The following DNAH14 variants were observed in gnomAD, a reference collection of about 807,000 sequenced individuals.
The protein encoded by DNAH14 is dynein axonemal heavy chain 14.
DNAH14 carries 478 observed loss-of-function variants against 520.9 expected under a neutral mutation model. That is an observed-to-expected ratio of 0.92 (90% CI 0.85 to 0.99). The LOEUF is 0.99. Among genes scored for constraint, DNAH14 ranks in the 50% least tolerant of loss-of-function variants. DNAH14 has a pLI of 0.00. For missense variants in DNAH14, 4,831 were observed against 5,234.5 expected (o/e 0.92, Z 2.38); for synonymous variants, 1,581 against 1,757.2 (o/e 0.90, Z 2.51).
At chr1:225,031,521 G>T (rs1425077579) in intron 11 of DNAH14, among the ~76,000 whole-genome samples, 1 of 150,392 alleles carries the variant, frequency 6.6e-6, no homozygotes, top group East Asian at 2.1e-4. Context: ...GCTGACCCAT[G>T]CTCTAGAGTA....
At chr1:225,275,830 C>T (rs1305321939) in intron 52 of DNAH14, 84 bp from the exon 53 acceptor site, 4 of 210,788 alleles carry the variant, frequency 1.9e-5, no homozygotes, top group Non-Finnish European at 3.2e-5. Context: ...AGGAGCTTCT[C>T]CAACACAGAT....
At chr1:224,984,742 A>G (rs780643643) in intron 8 of DNAH14, among the ~76,000 whole-genome samples, 3 of 152,198 alleles carry the variant, frequency 2.0e-5, no homozygotes, top group Non-Finnish European at 4.4e-5. Flanking sequence ...ACTAATATCC[A>G]GAATCTACAA....
intron 43 of DNAH14, among the ~76,000 whole-genome samples, chr1:225,251,177 C>CA (rs570245844): frequency 1.4e-5 from 2 of 145,970 alleles, no homozygotes; most frequent in Admixed American, 1.4e-4. Flanking sequence ...AAACTATAAA[C>CA]TTTTTTTTTT....
At chr1:224,939,334 C>T (rs1025532596) in intron 1 of DNAH14, among the ~76,000 whole-genome samples, 4 of 151,868 alleles carry the variant, frequency 2.6e-5, no homozygotes, top group Non-Finnish European at 5.9e-5. Context: ...TCCTTTTCCC[C>T]TATACCCAGT....
At chr1:225,357,045 A>T (rs767412729) in intron 73 of DNAH14, among the ~76,000 whole-genome samples, 12 of 152,166 alleles carry the variant, frequency 7.9e-5, no homozygotes, top group Non-Finnish European at 1.5e-4. Context: ...TTGTCACATA[A>T]AAGATTAAGT....
At chr1:225,244,914 T>A (rs1191003995) in intron 43 of DNAH14, among the ~76,000 whole-genome samples, 1 of 152,188 alleles carries the variant, frequency 6.6e-6, no homozygotes, top group East Asian at 1.9e-4. Flanking sequence ...TTGCTCTTGC[T>A]TCTCTAGTTC....
intron 1 of DNAH14, among the ~76,000 whole-genome samples, chr1:224,942,663 TTTTGAGA>T (rs1390371871): frequency 6.6e-6 from 1 of 152,218 alleles, no homozygotes; most frequent in African/African-American, 2.4e-5. Context: ...GCTCTTATTA[TTTTGAGA>T]TATGTCCCAT....
intron 54 of DNAH14, among the ~76,000 whole-genome samples, chr1:225,282,995 C>T (rs1045472699): frequency 2.6e-5 from 4 of 151,642 alleles, no homozygotes; most frequent in Non-Finnish European, 5.9e-5. Flanking sequence ...CATCTTTTTA[C>T]CTTATGATAT....
rs960291133 is a variant in DNAH14 at position 224,929,688 on chromosome 1, G to A, written c.-181G>A. 23 of 702,330 alleles carry A rather than the reference G, an allele frequency of 3.3e-5. No homozygotes were observed. The Middle Eastern group carries it at 6.8e-4, about 21-fold the overall frequency. The allele number at this position is 702,330 out of a possible 1,614,324, so 43.5% of individuals were successfully genotyped here. A position where few individuals can be genotyped will look rare whatever the true frequency, so the allele number is the denominator to read the frequency against. On this transcript the variant is annotated 5_prime_UTR_variant, in exon 1 of 86. Transcript: ENST00000682510. ...GCGTGGCTCTTGGTCAGGCGGTTAC[G>A]GCCAGGAGGCGTCGGAGCCTGGCGT...
At position 225,224,198 on chromosome 1, in the gene DNAH14, G is replaced by A. The variant is rs12726690; in HGVS notation, c.6440-6875G>A. Among the ~76,000 whole-genome samples, 1,388 of 151,704 alleles carry A rather than the reference G, an allele frequency of 9.1e-3. 9 individuals carry two copies. The highest frequency in any genetic ancestry group is 0.031 in the Middle Eastern group (9 of 292). On this transcript the variant is annotated intron_variant, in intron 41 of 85. Coordinates refer to ENST00000682510, the MANE Select transcript of DNAH14 (RefSeq NM_001367479.1). ...CGAATCCTGTTTCCTATCCTAAAGG[G>A]CAATACAGCCCTAGACTCTCCCACA...
intron 48 of DNAH14, 33 bp downstream of exon 48, chr1:225,265,402 G>A (rs944268041): frequency 1.5e-5 from 22 of 1,461,210 alleles, no homozygotes; most frequent in Non-Finnish European, 2.0e-5. Flanking sequence ...TCAATAATCT[G>A]CTTAGGCTAG....
chr1:225,268,651 T>C (rs1325891019), intron 49 of DNAH14, among the ~76,000 whole-genome samples: 1 of 152,184 alleles, frequency 6.6e-6, no homozygotes, highest in Middle Eastern at 3.2e-3. Context: ...AAAATCACTG[T>C]GCAAAAATCA....
intron 27 of DNAH14, among the ~76,000 whole-genome samples, chr1:225,139,623 A>T (rs2149013582): frequency 6.6e-6 from 1 of 152,392 alleles, no homozygotes; most frequent in East Asian, 1.9e-4. Context: ...TATAGTAATT[A>T]AAAATTCCTT....
At chr1:225,368,266 C>G (rs1012176443) in intron 77 of DNAH14, among the ~76,000 whole-genome samples, 1 of 152,218 alleles carries the variant, frequency 6.6e-6, no homozygotes, top group Non-Finnish European at 1.5e-5. Flanking sequence ...ATTGGGCAAA[C>G]TAACCTCTCA....
At chr1:225,215,611 A>G (rs1388088658) in intron 41 of DNAH14, among the ~76,000 whole-genome samples, 1 of 152,182 alleles carries the variant, frequency 6.6e-6, no homozygotes, top group Non-Finnish European at 1.5e-5. Flanking sequence ...TAGGATAGTT[A>G]GCTCTTCTTG....
chr1:225,396,634 T>A (rs1416759025), intron 84 of DNAH14: 1 of 152,226 alleles, frequency 6.6e-6, no homozygotes, highest in Non-Finnish European at 1.5e-5. Context: ...CGCCTAAGTT[T>A]GCTTTTTGCC....
At chr1:225,059,704 T>A (rs1405702006) in intron 17 of DNAH14, among the ~76,000 whole-genome samples, 3 of 152,154 alleles carry the variant, frequency 2.0e-5, no homozygotes, top group Non-Finnish European at 4.4e-5. Flanking sequence ...CTTCAGGAGC[T>A]CTTTTAGGGC....
At position 225,051,500 on chromosome 1, in the gene DNAH14, C is replaced by T. The variant is rs2068534111; in HGVS notation, c.2129C>T (p.Ala710Val). 1 of 1,544,080 alleles carries T rather than the reference C, an allele frequency of 6.5e-7. No homozygotes were observed. The highest frequency in any genetic ancestry group is 8.7e-7 in the Non-Finnish European group (1 of 1,144,140). ...GGTAATTCAATGGGCCTAGTTAATG[C>T]TTACAGCCACAAGTTTATAAAGTAT... is the stretch of plus-strand genomic sequence containing the variant. ...IIGNSMGLVN[A>V]YSHKFIKYCT... is the part of the protein sequence containing the mutation. Residue 710 changes from alanine (A) to valine (V), a missense_variant, in exon 17 of 86, where the codon GCT becomes GTT. Transcript: ENST00000682510.
chr1:225,361,687 C>T (rs1575020831), intron 75 of DNAH14, among the ~76,000 whole-genome samples: 1 of 152,206 alleles, frequency 6.6e-6, no homozygotes, highest in Non-Finnish European at 1.5e-5. Context: ...TTCCTGATGT[C>T]ACTCATGAGT....
Sources: gnomAD v4.1 joint callset for allele counts (sites outside exome capture counted in the v4.1 genomes callset) on GRCh38, gnomAD v4.1.1 for gene constraint, MANE v1.5 for transcripts, NCBI Gene and HGNC (gene_info 2026-07-23, HGNC 2026-07-21) for gene names.